ATP7A: variants seen among roughly 807,000 people sequenced by gnomAD.
ATP7A encodes the protein copper-transporting ATPase 1.
Under a neutral mutation model 83.5 loss-of-function variants are expected in ATP7A, and 7 were observed. The observed-to-expected ratio is 0.08, with a 90% CI of 0.05 to 0.16. The LOEUF is 0.16. Among genes scored for constraint, ATP7A ranks in the 10% least tolerant of loss-of-function variants. The probability of loss-of-function intolerance (pLI) is 1.00; values close to 1 mark genes in which losing one functional copy is unlikely to be tolerated. For synonymous variants in ATP7A, 354 were observed against 395.2 expected (o/e 0.90, Z 1.24); for missense variants, 940 against 1,120.8 (o/e 0.84, Z 2.30).
At chrX:78,019,366 T>C (rs782204802) in intron 12 of ATP7A, among the ~76,000 whole-genome samples, 40 of 112,350 alleles carry the variant, frequency 3.6e-4, no homozygotes, top group Non-Finnish European at 4.3e-4. Flanking sequence ...ATGATACCTT[T>C]CCAATCTCAA....
At chrX:77,949,197 C>T (rs782139381) in intron 1 of ATP7A, among the ~76,000 whole-genome samples, 2 of 111,921 alleles carry the variant, frequency 1.8e-5, no homozygotes, top group South Asian at 3.7e-4. Flanking sequence ...GCCTTATTCT[C>T]CAATATTTAT....
At chrX:77,937,203 T>C (rs1369809551) in intron 1 of ATP7A, among the ~76,000 whole-genome samples, 8 of 112,545 alleles carry the variant, frequency 7.1e-5, no homozygotes, top group Non-Finnish European at 1.3e-4. Flanking sequence ...GAGGTATTTG[T>C]GAAATCTCTG....
intron 1 of ATP7A, among the ~76,000 whole-genome samples, chrX:77,950,611 A>G (rs180787419): frequency 8.9e-6 from 1 of 111,748 alleles, no homozygotes; most frequent in East Asian, 2.8e-4. Context: ...TTAGATTTTA[A>G]AAGTTATTAG....
At chrX:77,967,948 CT>C (rs1197019875) in intron 1 of ATP7A, among the ~76,000 whole-genome samples, 104 of 105,530 alleles carry the variant, frequency 9.9e-4, no homozygotes, top group Middle Eastern at 4.8e-3. Context: ...TGTTGTAATA[CT>C]TTTTTTTTTT....
In ATP7A at chrX:78,048,727, C is replaced by T. The variant is rs781814501; in HGVS notation, c.*2157C>T. ...TTAGACCAATGCCTATGCCATCCTC[C>T]ATGCTTTCAGTTTGAGTTTTATTAT... On this transcript the variant is annotated 3_prime_UTR_variant, in exon 23 of 23. Transcript: ENST00000341514. 4 of 111,669 alleles carry T rather than the reference C, an allele frequency of 3.6e-5. No homozygotes were observed. Among genetic ancestry groups the T allele is most frequent in the Non-Finnish European group, 7.5e-5 (4 of 53,092 alleles). 9.2% of individuals were successfully genotyped at this position (111,669 alleles called of 1,213,427 possible).
chrX:78,002,342 G>A (rs1298507611), intron 5 of ATP7A, among the ~76,000 whole-genome samples: 2 of 105,748 alleles, frequency 1.9e-5, no homozygotes, highest in African/African-American at 7.0e-5. Context: ...TCGGCCTCCC[G>A]AAGTTCTGGG....
At chrX:77,990,075 T>G in intron 4 of ATP7A, 117 bp downstream of exon 4, 1 of 948,490 alleles carries the variant, frequency 1.1e-6, no homozygotes, top group Non-Finnish European at 1.5e-6. Flanking sequence ...CTTTTGCAAA[T>G]ATGTCCTATG....
Position 78,021,032 on chromosome X carries a change from A to G in ATP7A, c.2869A>G (p.Ile957Val), listed in dbSNP as rs1557235732. 6 of 1,206,607 alleles carry G rather than the reference A, an allele frequency of 5.0e-6. No individual in the cohort carries two copies. The highest frequency in any genetic ancestry group is 6.7e-6 in the Non-Finnish European group (6 of 891,855). ...TTCCATTGCCACCCTCTTGGTATGG[A>G]TTGTAATTGGATTTCTGAATTTTGA... Reference protein sequence around the residue: ...FVSIATLLVWIVIGFLNFEIV... With the variant: ...FVSIATLLVWVVIGFLNFEIV... Residue 957 changes from isoleucine to valine, a missense_variant, in exon 14 of 23, where the codon ATT (isoleucine) becomes GTT (valine). Transcript: ENST00000341514.
At chrX:78,043,499 G>A (rs2078063276) in intron 21 of ATP7A, 65 bp downstream of exon 21, 5 of 891,321 alleles carry the variant, frequency 5.6e-6, no homozygotes, top group Middle Eastern at 2.8e-4. Flanking sequence ...CATATTGGAA[G>A]CCTGTCTTCT....
chrX:77,937,885 T>TCACA (rs1190663390), intron 1 of ATP7A, among the ~76,000 whole-genome samples: 11 of 105,737 alleles, frequency 1.0e-4, no homozygotes, highest in African/African-American at 3.1e-4. Context: ...TCTCTCTCTC[T>TCACA]CTCACACACA....
intron 1 of ATP7A, among the ~76,000 whole-genome samples, chrX:77,934,832 C>A (rs1399301770): frequency 9.2e-6 from 1 of 108,829 alleles, no homozygotes; most frequent in Admixed American, 9.9e-5. Context: ...TGTTTATGAG[C>A]ACCAAGTGAG....
chrX:77,937,912 TAC>T (rs782577981), intron 1 of ATP7A, among the ~76,000 whole-genome samples: 6 of 95,137 alleles, frequency 6.3e-5, no homozygotes, highest in Non-Finnish European at 6.3e-5. Flanking sequence ...CACACACACA[TAC>T]ACACACACAC....
chrX:77,943,862 C>T (rs1476041700), intron 1 of ATP7A, among the ~76,000 whole-genome samples: 1 of 111,718 alleles, frequency 9.0e-6, no homozygotes, highest in Non-Finnish European at 1.9e-5. Context: ...TTTAGAGAGT[C>T]TCCAAATTTT....
intron 5 of ATP7A, among the ~76,000 whole-genome samples, chrX:78,000,986 T>C (rs1458659096): frequency 1.8e-5 from 2 of 112,258 alleles, no homozygotes; most frequent in Admixed American, 9.5e-5. Context: ...TTTTAAAAAA[T>C]GAACAGAAAG....
chrX:77,978,121 G>A (rs367731000), intron 2 of ATP7A, among the ~76,000 whole-genome samples: 86 of 111,200 alleles, frequency 7.7e-4, no homozygotes, highest in African/African-American at 1.6e-3. Context: ...ACCCTTCAAG[G>A]CCATTGTCCA....
intron 1 of ATP7A, among the ~76,000 whole-genome samples, chrX:77,916,354 CAAA>C (rs782551060): frequency 1.8e-4 from 6 of 32,529 alleles, no homozygotes; most frequent in Admixed American, 7.8e-4. Context: ...GACCCTGTCT[CAAA>C]AAAAAAAAAA....
Position 78,045,564 on chromosome X carries a change from C to G in ATP7A, c.4218C>G (p.Phe1406Leu). The change falls in exon 22 of 23, where the codon TTC (phenylalanine) becomes TTG (leucine). Residue 1406 changes from phenylalanine to leucine, a missense_variant. Around this residue, in one of 3 missense-constraint regions of ATP7A, gnomAD observed 386 missense variants for 502.2 expected, o/e 0.77. Transcript: ENST00000341514. ...SSVSVVLSSL[F>L]LKLYRKPTYE... ...TTTCTGTAGTACTTTCTTCTCTCTT[C>G]CTTAAACTGTAAGTATGATAGCTTG... 1 of 1,196,957 alleles carries G rather than the reference C, an allele frequency of 8.4e-7. No homozygotes were observed. Among genetic ancestry groups the G allele is most frequent in the Non-Finnish European group, 1.1e-6 (1 of 882,090 alleles).
At position 78,045,693 on chromosome X, in the gene ATP7A, T is replaced by C. The variant is rs2078078928; in HGVS notation, c.4226+121T>C. 1.5e-5 allele frequency: 11 copies of C among 747,184 alleles called. No individual in the cohort carries two copies. The South Asian group carries it at 2.6e-4, about 18-fold the overall frequency. The allele number at this position is 747,184 out of a possible 1,213,427, so 61.6% of individuals were successfully genotyped here. ...CCCAAACCATTCTTAATGAGAATTA[T>C]TATTAGCGGCCGGGCGTGGTGGCTC... On this transcript the variant is annotated intron_variant, in intron 22 of 22. Coordinates refer to ENST00000341514, the MANE Select transcript of ATP7A (RefSeq NM_000052.7).
chrX:77,971,797 T>C (rs782467985), intron 2 of ATP7A, 36 bp downstream of exon 2: 12 of 1,193,620 alleles, frequency 1.0e-5, no homozygotes, highest in South Asian at 5.3e-5. Flanking sequence ...TCAAATGCCA[T>C]TGAAGAGAAT....
Sources: allele counts gnomAD v4.1 joint callset (sites outside exome capture counted in the v4.1 genomes callset), GRCh38; gene constraint gnomAD v4.1.1; regional missense constraint gnomAD v4.1.1; transcripts MANE v1.5; gene names NCBI Gene and HGNC (gene_info 2026-07-23, HGNC 2026-07-21).